LRP1B: variants seen among roughly 807,000 people sequenced by gnomAD.
The protein encoded by LRP1B is low-density lipoprotein receptor-related protein 1B.
Under a neutral mutation model 556.6 loss-of-function variants are expected in LRP1B, and 217 were observed. That is an observed-to-expected ratio of 0.39 (90% CI 0.35 to 0.44). The LOEUF (loss-of-function observed/expected upper bound fraction) is 0.44, where lower values mean the gene tolerates loss of function less well. Among genes scored for constraint, LRP1B ranks in the 20% least tolerant of loss-of-function variants. LRP1B has a pLI of 1.00. For missense variants in LRP1B, 5,053 were observed against 5,620.8 expected, an observed-to-expected ratio of 0.90 and a Z score of 3.23; for synonymous variants, 2,047 against 1,865.8, an observed-to-expected ratio of 1.10 and a Z score of -2.50.
At chr2:140,771,101 T>C (rs961469666) in intron 33 of LRP1B, 95 bp from the exon 34 acceptor site, 8 of 824,740 alleles carry the variant, frequency 9.7e-6, no homozygotes, top group South Asian at 3.5e-5. Context: ...ATGTATGCTA[T>C]TGATTTCTAA....
intron 2 of LRP1B, among the ~76,000 whole-genome samples, chr2:141,503,147 A>G (rs993113233): frequency 1.3e-5 from 2 of 148,308 alleles, no homozygotes; most frequent in African/African-American, 4.9e-5. Context: ...AAAATAATAT[A>G]TAATTATATA....
At chr2:140,279,095 CTCTT>C (rs1235491082) in intron 84 of LRP1B, among the ~76,000 whole-genome samples, 2 of 151,948 alleles carry the variant, frequency 1.3e-5, no homozygotes, top group East Asian at 3.9e-4. Flanking sequence ...TCCACTCTCT[CTCTT>C]TCTCTCTTTC....
chr2:142,126,860 AG>A (rs1707673351), intron 1 of LRP1B, among the ~76,000 whole-genome samples: 1 of 151,898 alleles, frequency 6.6e-6, no homozygotes, highest in South Asian at 2.1e-4. Context: ...TGTTCAGTTC[AG>A]GTGACTTTAA....
intron 1 of LRP1B, among the ~76,000 whole-genome samples, chr2:141,830,201 A>T (rs1384562229): frequency 1.3e-5 from 2 of 151,918 alleles, no homozygotes; most frequent in African/African-American, 2.4e-5. Context: ...CCTTAAGCAG[A>T]CTACTTATAG....
At chr2:140,888,339 A>C (rs891928869) in intron 23 of LRP1B, among the ~76,000 whole-genome samples, 1 of 152,134 alleles carries the variant, frequency 6.6e-6, no homozygotes, top group Non-Finnish European at 1.5e-5. Context: ...AATTCAGAAA[A>C]TAAAAATGAA....
intron 10 of LRP1B, among the ~76,000 whole-genome samples, chr2:141,054,805 C>T (rs547010460): frequency 6.6e-6 from 1 of 152,074 alleles, no homozygotes; most frequent in East Asian, 1.9e-4. Flanking sequence ...ATCTGATCAA[C>T]TAATCATTCC....
In LRP1B at chr2:141,969,703, T is replaced by C. The variant is rs80048775; in HGVS notation, c.83-159302A>G. On this transcript the variant is annotated intron_variant, in intron 1 of 90. Transcript: ENST00000389484. The stretch of plus-strand genomic sequence containing the variant: ...CTGGCTATTGGGAATAGTGCTACAA[T>C]GAACACTGGAGTGCAAACATCTCTT... Among the ~76,000 whole-genome samples the C allele has an allele frequency of 5.9e-3, 890 of 151,782 alleles. 12 individuals are homozygous for C. The highest frequency in any genetic ancestry group is 0.02 in the African/African-American group (846 of 41,522).
intron 43 of LRP1B, among the ~76,000 whole-genome samples, chr2:140,542,769 G>T (rs1438970170): frequency 6.6e-6 from 1 of 152,118 alleles, no homozygotes; most frequent in Non-Finnish European, 1.5e-5. Flanking sequence ...ATCTCACTGG[G>T]CAGAGGGTCA....
chr2:141,874,852 T>C (rs1698705433), intron 1 of LRP1B, among the ~76,000 whole-genome samples: 2 of 151,940 alleles, frequency 1.3e-5, no homozygotes, highest in Admixed American at 6.6e-5. Context: ...CAATGGATTG[T>C]TTGAAATTTA....
At chr2:141,131,430 T>TATATATATATATATA (rs67252411) in intron 7 of LRP1B, among the ~76,000 whole-genome samples, 29 of 145,960 alleles carry the variant, frequency 2.0e-4, no homozygotes, top group South Asian at 4.3e-4. Flanking sequence ...TATATATATA[T>TATATATATATATATA]TTGCTCTTAG....
At chr2:140,307,539 AAT>A (rs1324119980) in intron 83 of LRP1B, among the ~76,000 whole-genome samples, 8 of 151,834 alleles carry the variant, frequency 5.3e-5, no homozygotes. Flanking sequence ...TATCAGTTGA[AAT>A]AATATATTTT....
At chr2:141,906,176 G>C (rs1192265605) in intron 1 of LRP1B, among the ~76,000 whole-genome samples, 1 of 151,712 alleles carries the variant, frequency 6.6e-6, no homozygotes, top group Non-Finnish European at 1.5e-5. Flanking sequence ...AACATACAGA[G>C]CACTTTTAGG....
chr2:141,333,451 C>A (rs937142749), intron 3 of LRP1B, among the ~76,000 whole-genome samples: 2 of 152,080 alleles, frequency 1.3e-5, no homozygotes, highest in African/African-American at 4.8e-5. Flanking sequence ...TTCACTATGT[C>A]TTCTTATCAT....
In LRP1B at chr2:141,650,023, T is replaced by C. The variant is rs183112458; in HGVS notation, c.205+160256A>G. Among the ~76,000 whole-genome samples, 123 of 152,122 alleles carry C rather than the reference T, an allele frequency of 8.1e-4. 2 individuals are homozygous for C. Among genetic ancestry groups the C allele is most frequent in the Admixed American group, 7.1e-3 (109 of 15,282 alleles). On this transcript the variant is annotated intron_variant, in intron 2 of 90. Transcript: ENST00000389484. ...GGTGAAACCCTGTCTCTACTAAAAA[T>C]ATAAAAGTTAGCGCGGCATGGTGGC...
chr2:141,291,040 A>AAG (rs562211050), intron 3 of LRP1B, among the ~76,000 whole-genome samples: 269 of 152,314 alleles, frequency 1.8e-3, no homozygotes, highest in African/African-American at 6.1e-3. Context: ...AAAGGTAAAA[A>AAG]AAATTTCTTC....
chr2:142,008,419 T>C (rs1262513038), intron 1 of LRP1B, among the ~76,000 whole-genome samples: 2 of 152,178 alleles, frequency 1.3e-5, no homozygotes, highest in African/African-American at 2.4e-5. Flanking sequence ...CGGATTCAAA[T>C]GCAGCCTTAC....
intron 37 of LRP1B, among the ~76,000 whole-genome samples, chr2:140,715,703 C>G (rs1456992184): frequency 2.0e-5 from 3 of 151,952 alleles, no homozygotes; most frequent in Admixed American, 2.0e-4. Flanking sequence ...GTAAACAATT[C>G]TAAGGAAGAG....
At chr2:141,089,093 C>T (rs1558852613) in intron 7 of LRP1B, among the ~76,000 whole-genome samples, 4 of 152,168 alleles carry the variant, frequency 2.6e-5, no homozygotes, top group African/African-American at 9.7e-5. Context: ...ATTCTTTCAA[C>T]ATCTGGGTAT....
chr2:141,623,805 A>T (rs1282073344), intron 2 of LRP1B, among the ~76,000 whole-genome samples: 1 of 151,940 alleles, frequency 6.6e-6, no homozygotes, highest in Non-Finnish European at 1.5e-5. Context: ...TCATGAGGTC[A>T]GGAGTTTGAG....
Sources: gnomAD v4.1 joint callset for allele counts (sites outside exome capture counted in the v4.1 genomes callset) on GRCh38, gnomAD v4.1.1 for gene constraint, MANE v1.5 for transcripts, NCBI Gene and HGNC (gene_info 2026-07-23, HGNC 2026-07-21) for gene names.